VRK1: variants seen among roughly 807,000 people sequenced by gnomAD.
VRK1 encodes VRK serine/threonine kinase 1.
A neutral mutation model predicts 57.1 loss-of-function variants in VRK1; 33 were observed. That is an observed-to-expected ratio of 0.58 (90% confidence interval 0.44 to 0.77). The LOEUF (loss-of-function observed/expected upper bound fraction) is 0.77, where lower values mean the gene tolerates loss of function less well. VRK1 is among the 30% of genes least tolerant of loss of function. The pLI is 0.00. For synonymous variants in VRK1, 137 were observed against 147.8 expected (o/e 0.93, Z 0.53); for missense variants, 413 against 477.3 (o/e 0.87, Z 1.25).
In VRK1 at chr14:96,876,793, ACAAAAAAAC is replaced by A. The variant is rs1889051890; in HGVS notation, c.1159+674_1159+682del. ...TCTTGAAGCAAAAAAAAAAAAAAAC[ACAAAAAAAC>A]AAAAAAAACAAGGTATGAAGTCATT... On this transcript the variant is annotated intron_variant, in intron 12 of 12. Transcript: ENST00000216639. Among the ~76,000 whole-genome samples, 3 of 142,698 alleles carry A rather than the reference ACAAAAAAAC, an allele frequency of 2.1e-5. No individual in the cohort carries two copies. In the East Asian group the frequency reaches 5.9e-4, roughly 28 times the overall value. The allele number at this position is 142,698 out of a possible 152,430, so 93.6% of individuals were successfully genotyped here.
intron 1 of VRK1, among the ~76,000 whole-genome samples, chr14:96,819,260 C>T (rs1041241172): frequency 6.6e-6 from 1 of 152,162 alleles, no homozygotes; most frequent in Non-Finnish European, 1.5e-5. Context: ...TCCTAAATCA[C>T]TCATGAATTT....
Position 96,833,692 on chromosome 14 carries a change from G to A in VRK1, c.160+61G>A, listed in dbSNP as rs371140161. 6.1e-4 allele frequency: 980 copies of A among 1,609,532 alleles called. 13 individuals carry two copies. The South Asian group carries it at 0.01, about 17-fold the overall frequency. The stretch of plus-strand genomic sequence containing the variant: ...GATTTATATGTTTTCTTATGAAAAT[G>A]GTTTCTCATTTATGAGCTGTTATGG... On this transcript the variant is annotated intron_variant, in intron 2 of 12. Coordinates refer to ENST00000216639, the MANE Select transcript of VRK1 (RefSeq NM_003384.3).
At chr14:96,847,581 GA>G (rs1223366575) in intron 5 of VRK1, among the ~76,000 whole-genome samples, 1 of 152,146 alleles carries the variant, frequency 6.6e-6, no homozygotes, top group Non-Finnish European at 1.5e-5. Context: ...AGCTTCTGCA[GA>G]GCAGTATCAA....
chr14:96,874,754 A>C (rs2139843571), intron 11 of VRK1, among the ~76,000 whole-genome samples: 1 of 152,338 alleles, frequency 6.6e-6, no homozygotes, highest in East Asian at 1.9e-4. Context: ...AGATAATAAC[A>C]GTTCTGACCG....
intron 3 of VRK1, among the ~76,000 whole-genome samples, chr14:96,842,233 C>T (rs538932602): frequency 6.6e-6 from 1 of 152,148 alleles, no homozygotes; most frequent in African/African-American, 2.4e-5. Context: ...ATTCACTTTC[C>T]TGTCTTGTCT....
intron 12 of VRK1, among the ~76,000 whole-genome samples, chr14:96,878,629 T>C (rs1008622149): frequency 3.3e-5 from 5 of 152,184 alleles, no homozygotes; most frequent in African/African-American, 1.2e-4. Flanking sequence ...GGGGGTCTAT[T>C]GTGTAAGAAC....
chr14:96,878,008 CCTAA>C (rs1200691627), intron 12 of VRK1, among the ~76,000 whole-genome samples: 4 of 151,948 alleles, frequency 2.6e-5, no homozygotes, highest in Admixed American at 2.6e-4. Context: ...GTTTTTTTGA[CCTAA>C]CTTTTTCAGA....
intron 7 of VRK1, among the ~76,000 whole-genome samples, chr14:96,854,016 C>T (rs547789029): frequency 8.2e-4 from 124 of 151,812 alleles, no homozygotes; most frequent in Non-Finnish European, 1.6e-3. Flanking sequence ...TTTTCTTTTT[C>T]TGTCGTCTCG....
At chr14:96,815,013 G>C (rs1414959038) in intron 1 of VRK1, among the ~76,000 whole-genome samples, 1 of 152,162 alleles carries the variant, frequency 6.6e-6, no homozygotes, top group Non-Finnish European at 1.5e-5. Context: ...CAGTACGTGA[G>C]TATCCCTGCA....
intron 8 of VRK1, among the ~76,000 whole-genome samples, 186 bp from the exon 9 acceptor site, chr14:96,855,944 A>G (rs1888136919): frequency 6.6e-6 from 1 of 152,214 alleles, no homozygotes; most frequent in East Asian, 1.9e-4. Context: ...CTAGAAGTTA[A>G]TTGGGAGGTA....
intron 11 of VRK1, among the ~76,000 whole-genome samples, chr14:96,866,119 G>A (rs1888577330): frequency 6.6e-6 from 1 of 151,978 alleles, no homozygotes; most frequent in South Asian, 2.1e-4. Context: ...TTGTTCGTGT[G>A]CTTATTCTAT....
intron 11 of VRK1, among the ~76,000 whole-genome samples, chr14:96,875,111 CTACAGAAGA>C (rs149223560): frequency 0.048 from 7,371 of 152,178 alleles, 195 homozygotes; most frequent in Non-Finnish European, 0.062. Flanking sequence ...AAATTTGAAA[CTACAGAAGA>C]TAAAGTTATA....
chr14:96,806,503 G>A (rs1885884332), intron 1 of VRK1, among the ~76,000 whole-genome samples: 1 of 152,186 alleles, frequency 6.6e-6, no homozygotes, highest in Admixed American at 6.5e-5. Context: ...AAAGTCATTT[G>A]ATGTTTATGC....
chr14:96,797,959 G>A (rs1175228703), intron 1 of VRK1, among the ~76,000 whole-genome samples: 2 of 152,206 alleles, frequency 1.3e-5, no homozygotes, highest in African/African-American at 4.8e-5. Context: ...TGGGGGCGAG[G>A]CTCTTTAGGT....
chr14:96,851,096 A>G (rs544239705), intron 5 of VRK1, among the ~76,000 whole-genome samples: 3 of 152,180 alleles, frequency 2.0e-5, no homozygotes, highest in African/African-American at 7.2e-5. Flanking sequence ...CTTACAAGCC[A>G]AGGTGCTAGG....
chr14:96,818,296 A>G (rs1886467897), intron 1 of VRK1, among the ~76,000 whole-genome samples: 1 of 152,252 alleles, frequency 6.6e-6, no homozygotes, highest in African/African-American at 2.4e-5. Context: ...ATTTGATACT[A>G]TATTTTAAGC....
intron 1 of VRK1, among the ~76,000 whole-genome samples, chr14:96,805,597 T>C (rs992704647): frequency 6.6e-6 from 1 of 152,218 alleles, no homozygotes; most frequent in East Asian, 1.9e-4. Flanking sequence ...GGCTGTAGAT[T>C]AGACTTAAGT....
rs925280990 is a variant in VRK1 at position 96,860,992 on chromosome 14, T to G, written c.1068+257T>G. 24 of 303,486 alleles carry G rather than the reference T, an allele frequency of 7.9e-5. No homozygotes were observed. In the Admixed American group the frequency reaches 1.1e-3, roughly 14 times the overall value. 18.8% of individuals were successfully genotyped at this position (303,486 alleles called of 1,614,324 possible). ...GAATACTGATATCTGACAGGGAAAT[T>G]TTGATGGTGCACTGAATTCATAATT... On this transcript the variant is annotated intron_variant, in intron 11 of 12. Transcript: ENST00000216639.
intron 1 of VRK1, among the ~76,000 whole-genome samples, chr14:96,827,135 A>G (rs1165743640): frequency 3.4e-5 from 3 of 88,818 alleles, no homozygotes; most frequent in Non-Finnish European, 7.6e-5. Flanking sequence ...GTGTGATGAA[A>G]ATGTTCTGTC....
Sources: gnomAD v4.1 joint callset for allele counts (sites outside exome capture counted in the v4.1 genomes callset) on GRCh38, gnomAD v4.1.1 for gene constraint, MANE v1.5 for transcripts, NCBI Gene and HGNC (gene_info 2026-07-23, HGNC 2026-07-21) for gene names.